Variants in UNC13C observed in about 807,000 individuals in gnomAD.
The protein encoded by UNC13C is unc-13 homolog C.
In UNC13C, 174 loss-of-function variants were observed where a neutral mutation model predicts 245.4. The ratio of observed to expected loss-of-function variants is 0.71; its 90% CI spans 0.63 to 0.80. The LOEUF is 0.80. Among genes scored for constraint, UNC13C ranks in the 30% least tolerant of loss-of-function variants. UNC13C has a pLI of 0.00. For synonymous variants in UNC13C, 992 were observed against 895.1 expected (o/e 1.11, Z -1.93); for missense variants, 2,829 against 2,602.9 (o/e 1.09, Z -1.89).
At chr15:54,202,696 C>T (rs1016432652) in intron 4 of UNC13C, among the ~76,000 whole-genome samples, 1 of 151,962 alleles carries the variant, frequency 6.6e-6, no homozygotes, top group Non-Finnish European at 1.5e-5. Context: ...AAATCTAAGA[C>T]CTGAAACCAT....
intron 26 of UNC13C, among the ~76,000 whole-genome samples, chr15:54,535,291 A>G (rs1260992138): frequency 2.0e-5 from 3 of 152,216 alleles, no homozygotes; most frequent in Non-Finnish European, 4.4e-5. Context: ...ATATAATGAT[A>G]AAGGGTTCAA....
intron 17 of UNC13C, among the ~76,000 whole-genome samples, chr15:54,339,532 C>T (rs2038676531): frequency 1.3e-5 from 2 of 152,160 alleles, no homozygotes; most frequent in African/African-American, 4.8e-5. Context: ...GCTTTCTATT[C>T]CTGAATTACT....
downstream of UNC13C, chr15:54,631,497 T>C (rs1294525737): frequency 2.0e-5 from 3 of 152,222 alleles, no homozygotes; most frequent in African/African-American, 7.2e-5. Flanking sequence ...CGTTACCACT[T>C]TATAGACAAA....
intron 2 of UNC13C, among the ~76,000 whole-genome samples, chr15:54,069,450 A>C (rs549692109): frequency 1.3e-5 from 2 of 152,312 alleles, no homozygotes; most frequent in South Asian, 4.1e-4. Flanking sequence ...TGTTTTCCTA[A>C]CAAGACTGTT....
chr15:53,944,693 T>C, the UNC13C span, among the ~76,000 whole-genome samples: 34,222 of 152,180 alleles, frequency 0.22, 4,877 homozygotes, highest in Non-Finnish European at 0.31. Context: ...GTTTATTCCA[T>C]GTATTTGCTA....
At chr15:54,066,911 G>A (rs977240393) in intron 2 of UNC13C, among the ~76,000 whole-genome samples, 1 of 152,082 alleles carries the variant, frequency 6.6e-6, no homozygotes, top group Non-Finnish European at 1.5e-5. Flanking sequence ...CAGTGCTGAA[G>A]GGGAAAACAG....
At chr15:54,507,399 C>T (rs1894522242) in intron 23 of UNC13C, among the ~76,000 whole-genome samples, 1 of 152,026 alleles carries the variant, frequency 6.6e-6, no homozygotes, top group Admixed American at 6.6e-5. Flanking sequence ...GTCTCAATGC[C>T]AGCCAACTTG....
At chr15:54,225,111 T>A (rs1422891551) in intron 4 of UNC13C, among the ~76,000 whole-genome samples, 1 of 151,902 alleles carries the variant, frequency 6.6e-6, no homozygotes, top group Non-Finnish European at 1.5e-5. Flanking sequence ...TGATCTTTTG[T>A]ATTATTTGTT....
intron 19 of UNC13C, among the ~76,000 whole-genome samples, chr15:54,453,467 A>G (rs1197928445): frequency 6.6e-6 from 1 of 152,238 alleles, no homozygotes; most frequent in Non-Finnish European, 1.5e-5. Context: ...AGATGGTTAC[A>G]TAATATTCCA....
intron 4 of UNC13C, among the ~76,000 whole-genome samples, chr15:54,185,636 G>A (rs1040004462): frequency 6.9e-6 from 1 of 143,898 alleles, no homozygotes; most frequent in Non-Finnish European, 1.5e-5. Context: ...CTATATCTCT[G>A]TTTTTGTACC....
At chr15:54,340,135 T>A (rs569149578) in intron 17 of UNC13C, among the ~76,000 whole-genome samples, 1 of 151,968 alleles carries the variant, frequency 6.6e-6, no homozygotes, top group African/African-American at 2.4e-5. Flanking sequence ...TCTGATAAGA[T>A]TTTTTTTCTT....
At chr15:54,366,232 G>T (rs115748456) in intron 17 of UNC13C, among the ~76,000 whole-genome samples, 1 of 152,074 alleles carries the variant, frequency 6.6e-6, no homozygotes, top group Non-Finnish European at 1.5e-5. Flanking sequence ...AATTTGGGTG[G>T]TGCATTTTCT....
intron 2 of UNC13C, among the ~76,000 whole-genome samples, chr15:54,073,370 G>A (rs1325683573): frequency 1.3e-5 from 2 of 152,164 alleles, no homozygotes; most frequent in Admixed American, 1.3e-4. Flanking sequence ...ATAGTTGAAT[G>A]ATTTATAATC....
chr15:54,359,428 A>T (rs1057422983), intron 17 of UNC13C, among the ~76,000 whole-genome samples: 1 of 151,928 alleles, frequency 6.6e-6, no homozygotes, highest in African/African-American at 2.4e-5. Flanking sequence ...TGATAATTCA[A>T]TATTATTGGC....
chr15:54,060,926 A>G (rs942339258), intron 2 of UNC13C, among the ~76,000 whole-genome samples: 2 of 152,006 alleles, frequency 1.3e-5, no homozygotes, highest in Non-Finnish European at 2.9e-5. Flanking sequence ...AAGAGAACAC[A>G]TGGACACAGG....
chr15:53,873,412 C>A, the UNC13C span, among the ~76,000 whole-genome samples: 94,980 of 151,818 alleles, frequency 0.63, 29,752 homozygotes, highest in East Asian at 0.68. Flanking sequence ...GCTCAACTTG[C>A]CTCCTCTTCC....
intron 2 of UNC13C, among the ~76,000 whole-genome samples, chr15:54,041,439 A>G (rs878913679): frequency 2.0e-5 from 3 of 152,212 alleles, no homozygotes; most frequent in Admixed American, 2.0e-4. Flanking sequence ...AATATTAAAG[A>G]CTAAAAATGA....
intron 8 of UNC13C, among the ~76,000 whole-genome samples, chr15:54,259,703 CTT>C (rs143668563): frequency 0.05 from 7,654 of 152,152 alleles, 618 homozygotes; most frequent in African/African-American, 0.17. Context: ...AAGTGATACT[CTT>C]TATATATTTC....
At chr15:53,945,504 C>T in the UNC13C span, among the ~76,000 whole-genome samples, 8 of 152,088 alleles carry the variant, frequency 5.3e-5, no homozygotes, top group South Asian at 1.7e-3. Context: ...GTGGGGGGTC[C>T]TTTCCCCATT....
Sources: allele counts gnomAD v4.1 joint callset (sites outside exome capture counted in the v4.1 genomes callset), GRCh38; gene constraint gnomAD v4.1.1; transcripts MANE v1.5; gene names NCBI Gene and HGNC (gene_info 2026-07-23, HGNC 2026-07-21).